Variants in ADAMTSL3 observed in about 807,000 individuals in gnomAD.
The protein encoded by ADAMTSL3 is ADAMTS like 3.
Under a neutral mutation model 201.7 loss-of-function variants are expected in ADAMTSL3, and 128 were observed. The observed-to-expected ratio is 0.63, with a 90% CI of 0.55 to 0.73. ADAMTSL3 has a LOEUF of 0.73. Ranked by LOEUF, ADAMTSL3 falls within the 30% of genes least tolerant of loss-of-function variation. The pLI, the probability that ADAMTSL3 is intolerant of heterozygous loss-of-function variation, is 0.00. For missense variants in ADAMTSL3, 1,990 were observed against 2,119.6 expected, an observed-to-expected ratio of 0.94 and a Z score of 1.20; for synonymous variants, 738 against 748.4, an observed-to-expected ratio of 0.99 and a Z score of 0.23.
intron 5 of ADAMTSL3, among the ~76,000 whole-genome samples, chr15:83,809,526 C>G (rs578262103): frequency 6.6e-6 from 1 of 152,286 alleles, no homozygotes; most frequent in East Asian, 1.9e-4. Context: ...GACAGCCTTC[C>G]CTCTGCTGTA....
chr15:83,953,306 G>C (rs1271177300), intron 19 of ADAMTSL3, among the ~76,000 whole-genome samples: 1 of 151,756 alleles, frequency 6.6e-6, no homozygotes, highest in Admixed American at 6.6e-5. Context: ...TCCATCGTAT[G>C]GTTTTTGATT....
At chr15:83,973,647 T>G (rs1268735070) in intron 20 of ADAMTSL3, among the ~76,000 whole-genome samples, 1 of 152,198 alleles carries the variant, frequency 6.6e-6, no homozygotes, top group East Asian at 1.9e-4. Flanking sequence ...CTAACTACTG[T>G]ACTGACCCAT....
intron 6 of ADAMTSL3, chr15:83,824,995 A>G (rs1257215397): frequency 2.0e-5 from 3 of 152,246 alleles, no homozygotes; most frequent in Non-Finnish European, 4.4e-5. Context: ...CAAAGTGAGC[A>G]CAATAGCTCA....
At position 83,654,674 on chromosome 15, in the gene ADAMTSL3, C is replaced by T. The variant is rs778685487; in HGVS notation, c.-34+398C>T. Among the ~76,000 whole-genome samples the T allele has an allele frequency of 2.4e-4, 37 of 152,094 alleles. No homozygotes were observed. Among genetic ancestry groups the T allele is most frequent in the Non-Finnish European group, 5.1e-4 (35 of 68,010 alleles). On this transcript the variant is annotated intron_variant, in intron 1 of 29. Coordinates refer to ENST00000286744, the MANE Select transcript of ADAMTSL3 (RefSeq NM_207517.3). The surrounding 1 kb of genome is among the most constrained non-coding windows in gnomAD (Gnocchi z 5.3). ...CCCAGAACGCCGGGGGTTGAGGCGA[C>T]GCGCGATCGTGGAAAGTGGGCGTGG... is the stretch of plus-strand genomic sequence containing the variant.
At chr15:83,873,236 A>AGAGGTTGCAGTGAGCC (rs1166061793) in intron 9 of ADAMTSL3, among the ~76,000 whole-genome samples, 2 of 145,144 alleles carry the variant, frequency 1.4e-5, no homozygotes, top group Non-Finnish European at 3.0e-5. Context: ...CCCAGGAGGC[A>AGAGGTTGCAGTGAGCC]GAGGTTGCAG....
At chr15:83,677,414 T>A (rs2061421743) in intron 2 of ADAMTSL3, among the ~76,000 whole-genome samples, 1 of 152,110 alleles carries the variant, frequency 6.6e-6, no homozygotes, top group Admixed American at 6.6e-5. Context: ...AATTTTTCTT[T>A]CAGTTTTATC....
intron 17 of ADAMTSL3, among the ~76,000 whole-genome samples, chr15:83,929,949 T>G (rs182895065): frequency 1.2e-4 from 19 of 152,322 alleles, no homozygotes; most frequent in African/African-American, 4.1e-4. Context: ...CATTAGTTAA[T>G]TCTCTCCCAT....
At chr15:84,019,076 TACACACACACACAC>T (rs71453219) in intron 25 of ADAMTSL3, among the ~76,000 whole-genome samples, 1 of 139,152 alleles carries the variant, frequency 7.2e-6, no homozygotes, top group Non-Finnish European at 1.5e-5. Context: ...CACACACACA[TACACACACACACAC>T]ACACACACAC....
intron 20 of ADAMTSL3, among the ~76,000 whole-genome samples, chr15:83,972,257 T>C (rs1596482785): frequency 6.6e-6 from 1 of 152,286 alleles, no homozygotes; most frequent in East Asian, 1.9e-4. Context: ...TGCTGATTCA[T>C]GGACAACATT....
chr15:83,834,009 T>C (rs1311173669), intron 6 of ADAMTSL3, among the ~76,000 whole-genome samples: 1 of 152,220 alleles, frequency 6.6e-6, no homozygotes, highest in Non-Finnish European at 1.5e-5. Flanking sequence ...TAAATTATAG[T>C]CCTGTATAGT....
At chr15:84,021,068 C>T (rs2141911417) in intron 25 of ADAMTSL3, among the ~76,000 whole-genome samples, 1 of 152,284 alleles carries the variant, frequency 6.6e-6, no homozygotes. Flanking sequence ...CCTCTCTTGT[C>T]CTGTTGGCTG....
At chr15:83,743,709 C>A (rs2062496694) in intron 3 of ADAMTSL3, among the ~76,000 whole-genome samples, 1 of 152,022 alleles carries the variant, frequency 6.6e-6, no homozygotes, top group African/African-American at 2.4e-5. Context: ...CAGAGTCTAA[C>A]ACTGTGCCCG....
At chr15:83,899,341 A>G (rs183141390) in intron 14 of ADAMTSL3, among the ~76,000 whole-genome samples, 1 of 152,348 alleles carries the variant, frequency 6.6e-6, no homozygotes, top group East Asian at 1.9e-4. Flanking sequence ...AAAAGCTTCA[A>G]TATATGAACA....
intron 19 of ADAMTSL3, among the ~76,000 whole-genome samples, chr15:83,946,225 T>A (rs1200711285): frequency 6.6e-6 from 1 of 152,220 alleles, no homozygotes; most frequent in African/African-American, 2.4e-5. Context: ...GAGTGGAGGC[T>A]AGTGGTGACA....
At chr15:83,735,149 GAAATA>G (rs1385064583) in intron 3 of ADAMTSL3, among the ~76,000 whole-genome samples, 4 of 151,980 alleles carry the variant, frequency 2.6e-5, no homozygotes, top group African/African-American at 7.2e-5. Flanking sequence ...AATTTAACCA[GAAATA>G]AAATAAACCA....
intron 9 of ADAMTSL3, among the ~76,000 whole-genome samples, chr15:83,880,352 A>G (rs2065247345): frequency 6.6e-6 from 1 of 152,168 alleles, no homozygotes; most frequent in Non-Finnish European, 1.5e-5. Context: ...AGGGATCAGC[A>G]GATTACGACC....
At chr15:83,711,071 C>A (rs904129160) in intron 3 of ADAMTSL3, among the ~76,000 whole-genome samples, 2 of 152,112 alleles carry the variant, frequency 1.3e-5, no homozygotes, top group Non-Finnish European at 2.9e-5. Flanking sequence ...TTCTAAACTT[C>A]TTTTAAATGC....
intron 19 of ADAMTSL3, among the ~76,000 whole-genome samples, chr15:83,944,792 A>G (rs1054024410): frequency 6.6e-6 from 1 of 152,190 alleles, no homozygotes; most frequent in Admixed American, 6.5e-5. Flanking sequence ...AAATACACCT[A>G]ACCTCTCTGA....
At chr15:84,021,355 G>A in intron 25 of ADAMTSL3, 55 bp from the exon 26 acceptor site, 2 of 1,601,076 alleles carry the variant, frequency 1.2e-6, no homozygotes, top group South Asian at 2.2e-5. Flanking sequence ...GTCTTCTCCA[G>A]CTCGTCGTCA....
Sources: allele counts gnomAD v4.1 joint callset (sites outside exome capture counted in the v4.1 genomes callset), GRCh38; gene constraint gnomAD v4.1.1; non-coding constraint Gnocchi (gnomAD v3.1); transcripts MANE v1.5; gene names NCBI Gene and HGNC (gene_info 2026-07-23, HGNC 2026-07-21).